Variants in RASAL2 observed in about 807,000 individuals in gnomAD.
RASAL2 encodes the protein RAS protein activator like 2.
Under a neutral mutation model 128.9 loss-of-function variants are expected in RASAL2, and 58 were observed. The ratio of observed to expected loss-of-function variants is 0.45; its 90% CI spans 0.36 to 0.56. The LOEUF is 0.56. Ranked by LOEUF, RASAL2 falls within the 20% of genes least tolerant of loss-of-function variation. The pLI, the probability that RASAL2 is intolerant of heterozygous loss-of-function variation, is 0.00. For missense variants in RASAL2, 1,360 were observed against 1,601.6 expected (o/e 0.85, Z 2.57); for synonymous variants, 561 against 580.8 (o/e 0.97, Z 0.49).
Position 178,474,689 on chromosome 1 carries a change from A to T in RASAL2, c.*1450A>T, listed in dbSNP as rs1648548219. The stretch of plus-strand genomic sequence containing the variant: ...CATGTTAAACAGACATTATATATAC[A>T]AATATATATATAATATATATTCACA... On this transcript the variant is annotated 3_prime_UTR_variant, in exon 18 of 18. Coordinates refer to ENST00000367649, the MANE Select transcript of RASAL2 (RefSeq NM_170692.4). 6.6e-6 allele frequency: 1 copy of T among 151,556 alleles called. No individual in the cohort carries two copies. The highest frequency in any genetic ancestry group is 1.5e-5 in the Non-Finnish European group (1 of 67,896). The allele number at this position is 151,556 out of a possible 1,614,324, so 9.4% of individuals were successfully genotyped here.
At chr1:178,469,297 G>GA (rs1429573904) in intron 17 of RASAL2, among the ~76,000 whole-genome samples, 26 of 151,786 alleles carry the variant, frequency 1.7e-4, no homozygotes, top group Non-Finnish European at 3.1e-4. Flanking sequence ...ACCCTGTCTT[G>GA]AAAAAAAATG....
chr1:178,478,616 A>C lies in RASAL2; in HGVS notation c.*5377A>C, dbSNP rs1648839272. ...AAAGAGAAATACACCTTAGAAAAAC[A>C]AAACCCAAGATTTTATTTTATTTTT... On this transcript the variant is annotated 3_prime_UTR_variant, in exon 18 of 18. Transcript: ENST00000367649. 1 of 152,260 alleles carries C rather than the reference A, an allele frequency of 6.6e-6. No homozygotes were observed. The highest frequency in any genetic ancestry group is 2.4e-5 in the African/African-American group (1 of 41,478). 9.4% of individuals were successfully genotyped at this position (152,260 alleles called of 1,614,324 possible). A position where few individuals can be genotyped will look rare whatever the true frequency, so the allele number is the denominator to read the frequency against.
At chr1:178,150,197 G>C (rs1261729364) in intron 1 of RASAL2, among the ~76,000 whole-genome samples, 1 of 151,726 alleles carries the variant, frequency 6.6e-6, no homozygotes, top group Admixed American at 6.6e-5. Flanking sequence ...TTAACTGTTA[G>C]GTTATTTATT....
At chr1:178,461,988 A>T (rs947130169) in intron 14 of RASAL2, among the ~76,000 whole-genome samples, 4 of 152,216 alleles carry the variant, frequency 2.6e-5, no homozygotes, top group Non-Finnish European at 4.4e-5. Flanking sequence ...GGGAAACCCT[A>T]TACAGCTTTA....
chr1:178,245,205 C>T (rs181779377), intron 1 of RASAL2, among the ~76,000 whole-genome samples: 31 of 152,270 alleles, frequency 2.0e-4, no homozygotes, highest in African/African-American at 7.5e-4. Flanking sequence ...AGTGTAAAAG[C>T]GTTCCTATTT....
chr1:178,353,342 G>A (rs996601828), intron 3 of RASAL2, among the ~76,000 whole-genome samples: 10 of 152,098 alleles, frequency 6.6e-5, no homozygotes, highest in Non-Finnish European at 1.0e-4. Flanking sequence ...AAATCATCAC[G>A]CTCAAGTTCA....
intron 3 of RASAL2, among the ~76,000 whole-genome samples, chr1:178,333,463 C>A (rs947498016): frequency 6.6e-6 from 1 of 152,148 alleles, no homozygotes; most frequent in Admixed American, 6.5e-5. Flanking sequence ...CCCATTTATG[C>A]CTAGTGTTCC....
intron 1 of RASAL2, among the ~76,000 whole-genome samples, chr1:178,253,629 G>T (rs1171874641): frequency 1.3e-5 from 2 of 152,066 alleles, no homozygotes; most frequent in African/African-American, 4.8e-5. Flanking sequence ...TAAGATTTGG[G>T]TAGGTAAAGG....
chr1:178,428,104 C>G (rs760573286), intron 5 of RASAL2, among the ~76,000 whole-genome samples: 18 of 149,952 alleles, frequency 1.2e-4, no homozygotes, highest in African/African-American at 4.4e-4. Context: ...TTACATGTAT[C>G]AGTAGTTTGT....
At chr1:178,420,442 A>C in intron 4 of RASAL2, 69 bp from the exon 5 acceptor site, 2 of 944,774 alleles carry the variant, frequency 2.1e-6, no homozygotes, top group Non-Finnish European at 3.2e-6. Context: ...TACCTTTTGC[A>C]GAGATAGTGT....
chr1:178,442,702 C>A lies in RASAL2; in HGVS notation c.955C>A (p.Leu319Ile), dbSNP rs767216621. The change falls in exon 8 of 18, where the codon CTT becomes ATT. Residue 319 changes from leucine (L) to isoleucine (I), a missense_variant. Around this residue, in one of 3 missense-constraint regions of RASAL2, gnomAD observed 617 missense variants for 714.2 expected, o/e 0.86. Transcript: ENST00000367649. ...KDNCRRAENVLRLWIIEAKDL... is the reference protein window; with the variant it reads ...KDNCRRAENVIRLWIIEAKDL... ...CAATTGCAGGCGAGCTGAAAATGTT[C>A]TTCGTTTATGGATCATTGAAGCCAA... 2 of 1,607,098 alleles carry A rather than the reference C, an allele frequency of 1.2e-6. No homozygotes were observed. Among genetic ancestry groups the A allele is most frequent in the Non-Finnish European group, 1.7e-6 (2 of 1,176,134 alleles).
At chr1:178,246,174 C>T (rs948146729) in intron 1 of RASAL2, among the ~76,000 whole-genome samples, 14 of 152,134 alleles carry the variant, frequency 9.2e-5, no homozygotes, top group Non-Finnish European at 1.3e-4. Context: ...GTCATTTTCA[C>T]GATATTGATT....
intron 3 of RASAL2, among the ~76,000 whole-genome samples, chr1:178,312,655 T>C (rs1332842761): frequency 1.3e-5 from 2 of 152,136 alleles, no homozygotes; most frequent in Admixed American, 1.3e-4. Context: ...GTACAAGATG[T>C]AGAATAAAGA....
At chr1:178,279,886 A>C (rs1210112669) in intron 1 of RASAL2, among the ~76,000 whole-genome samples, 1 of 152,128 alleles carries the variant, frequency 6.6e-6, no homozygotes, top group Non-Finnish European at 1.5e-5. Context: ...GATGAATGTG[A>C]CTTTTTTGAT....
Position 178,439,487 on chromosome 1 carries a change from C to A in RASAL2, c.740C>A (p.Thr247Lys). ...GAATCCTTGCTGAGCCCATGCAGCA[C>A]AGTGGAATGTCTGGATCTTGGTAGA... Reference protein sequence around the residue: ...SHESLLSPCSTVECLDLGRGE... With the variant: ...SHESLLSPCSKVECLDLGRGE... The change falls in exon 6 of 18, where the codon ACA becomes AAA. Residue 247 changes from threonine to lysine, a missense_variant. Transcript: ENST00000367649. 1 of 1,612,844 alleles carries A rather than the reference C, an allele frequency of 6.2e-7. No individual in the cohort carries two copies.
chr1:178,193,603 C>T (rs767704935), intron 1 of RASAL2, among the ~76,000 whole-genome samples: 5 of 151,980 alleles, frequency 3.3e-5, no homozygotes, highest in Non-Finnish European at 7.4e-5. Flanking sequence ...TTCCCTCCTT[C>T]ACCCTGTTCT....
chr1:178,235,050 A>T (rs1159880416), intron 1 of RASAL2, among the ~76,000 whole-genome samples: 1 of 152,186 alleles, frequency 6.6e-6, no homozygotes. Context: ...ATAGATAATT[A>T]CCTAGAGGAA....
chr1:178,239,081 T>A (rs992818258), intron 1 of RASAL2, among the ~76,000 whole-genome samples: 8 of 152,122 alleles, frequency 5.3e-5, no homozygotes, highest in Non-Finnish European at 8.8e-5. Flanking sequence ...TTGCCTCTAA[T>A]TTCTGGATTT....
chr1:178,469,073 G>A (rs934695120), intron 17 of RASAL2, among the ~76,000 whole-genome samples: 5 of 152,132 alleles, frequency 3.3e-5, no homozygotes, highest in Admixed American at 2.0e-4. Context: ...TGAGGCAGGC[G>A]GATTGCTTGA....
Sources: gnomAD v4.1 joint callset for allele counts (sites outside exome capture counted in the v4.1 genomes callset) on GRCh38, gnomAD v4.1.1 for gene constraint, gnomAD v4.1.1 regional missense constraint, MANE v1.5 for transcripts, NCBI Gene and HGNC (gene_info 2026-07-23, HGNC 2026-07-21) for gene names.